The following C1orf198 variants were observed in gnomAD, a reference collection of about 807,000 sequenced individuals.
C1orf198 encodes the protein uncharacterized protein C1orf198.
Under a neutral mutation model 31.4 loss-of-function variants are expected in C1orf198, and 17 were observed. That is an observed-to-expected ratio of 0.54 (90% CI 0.37 to 0.81). The LOEUF (loss-of-function observed/expected upper bound fraction) is 0.81, where lower values mean the gene tolerates loss of function less well. C1orf198 is among the 40% of genes least tolerant of loss of function. The probability of loss-of-function intolerance (pLI) is 0.00; values close to 1 mark genes in which losing one functional copy is unlikely to be tolerated. For missense variants in C1orf198, 401 were observed against 450.3 expected (o/e 0.89, Z 0.99); for synonymous variants, 175 against 193.8 (o/e 0.90, Z 0.81).
At chr1:230,858,710 G>A (rs140960507) in intron 1 of C1orf198, among the ~76,000 whole-genome samples, 5 of 152,376 alleles carry the variant, frequency 3.3e-5, no homozygotes, top group African/African-American at 1.2e-4. Flanking sequence ...GGTGGGGCAT[G>A]ATGGAGCTGG....
rs1240520838 is a variant in C1orf198 at position 230,840,366 on chromosome 1, G to A, written c.928-458C>T. 1.3e-5 allele frequency among the ~76,000 whole-genome samples: 2 copies of A among 152,232 alleles called. No homozygotes were observed. The highest frequency in any genetic ancestry group is 2.9e-5 in the Non-Finnish European group (2 of 68,044). On this transcript the variant is annotated intron_variant, in intron 3 of 3. Coordinates refer to ENST00000366663, the MANE Select transcript of C1orf198 (RefSeq NM_032800.3). The surrounding 1 kb of genome is among the most constrained non-coding windows in gnomAD (Gnocchi z 4.0). ...AAACATAGTGTGGAAAGAATGTGAA[G>A]CTTATTTCTTTCAGATCTTGTGAAA... is the stretch of plus-strand genomic sequence containing the variant.
At chr1:230,854,532 G>C (rs544527743) in intron 2 of C1orf198, among the ~76,000 whole-genome samples, 161 of 152,270 alleles carry the variant, frequency 1.1e-3, no homozygotes, top group African/African-American at 3.8e-3. Context: ...GATCCCTAGG[G>C]AGACTACATT....
chr1:230,840,054 G>T lies in C1orf198; in HGVS notation c.928-146C>A. 1 of 651,526 alleles carries T rather than the reference G, an allele frequency of 1.5e-6. No homozygotes were observed. The highest frequency in any genetic ancestry group is 2.6e-6 in the Non-Finnish European group (1 of 385,256). The allele number at this position is 651,526 out of a possible 1,614,324, so 40.4% of individuals were successfully genotyped here. A position where few individuals can be genotyped will look rare whatever the true frequency, so the allele number is the denominator to read the frequency against. ...TTCCCTGACCTCAATTTATCTCAGT[G>T]CTTGAAATCAGAAGATTAAATACAG... On this transcript the variant is annotated intron_variant, in intron 3 of 3. Transcript: ENST00000366663. The surrounding 1 kb of genome is among the most constrained non-coding windows in gnomAD (Gnocchi z 4.0).
intron 1 of C1orf198, among the ~76,000 whole-genome samples, chr1:230,859,591 C>T (rs959145503): frequency 2.0e-5 from 3 of 152,146 alleles, no homozygotes; most frequent in South Asian, 2.1e-4. Context: ...GAGCAGAAAG[C>T]CAAAAAGCAG....
At position 230,868,362 on chromosome 1, in the gene C1orf198, G is replaced by T; in HGVS notation, c.151C>A (p.Arg51Ser). The change falls in exon 1 of 4, where the codon CGC becomes AGC. Residue 51 changes from arginine (R) to serine (S), a missense_variant. Physicochemically the swap from Arg to Ser is moderately radical, Grantham distance 110. Transcript: ENST00000366663. ...GCCCACTCGGGCCCGTACTTCTCGC[G>T]GATCTTCTCCTTGTCCTGCATGATC... Reference protein sequence around the residue: ...RKIMQDKEKIREKYGPEWARL... With the variant: ...RKIMQDKEKISEKYGPEWARL... 6.3e-7 allele frequency: 1 copy of T among 1,598,242 alleles called. No homozygotes were observed. The highest frequency in any genetic ancestry group is 8.5e-7 in the Non-Finnish European group (1 of 1,173,240).
chr1:230,853,629 A>G (rs1172006363), intron 2 of C1orf198, among the ~76,000 whole-genome samples: 1 of 152,206 alleles, frequency 6.6e-6, no homozygotes, highest in Non-Finnish European at 1.5e-5. Context: ...GAAGGTGAGG[A>G]CACAGAGTGA....
In C1orf198 at chr1:230,843,430, T is replaced by C. The variant is rs1174831872; in HGVS notation, c.851A>G (p.Glu284Gly). The change falls in exon 3 of 4, where the codon GAG becomes GGG. Residue 284 changes from glutamate (E) to glycine (G), a missense_variant. By Grantham distance (98) the Glu-to-Gly change is moderately conservative. Coordinates refer to ENST00000366663, the MANE Select transcript of C1orf198 (RefSeq NM_032800.3). This position sits in a 1 kb window ranked among gnomAD's most constrained non-coding sequence, Gnocchi z 4.9. ...ALHEAAPSQL[E>G]GKLPSPDVRQ... ...GACATCAGGAGATGGCAGCTTCCCC[T>C]CGAGCTGGGAGGGGGCAGCCTCGTG... The C allele has an allele frequency of 6.3e-7, 1 of 1,587,458 alleles. No individual in the cohort carries two copies.
At chr1:230,847,090 G>A (rs542171883) in intron 2 of C1orf198, among the ~76,000 whole-genome samples, 5 of 126,090 alleles carry the variant, frequency 4.0e-5, no homozygotes, top group Admixed American at 8.8e-5. Flanking sequence ...GCGACAGAGC[G>A]AGACTCCGTC....
At position 230,841,583 on chromosome 1, in the gene C1orf198, T is replaced by G. The variant is rs1191159092; in HGVS notation, c.928-1675A>C. 4.6e-5 allele frequency among the ~76,000 whole-genome samples: 7 copies of G among 152,282 alleles called. No individual in the cohort carries two copies. In the South Asian group the frequency reaches 1.5e-3, roughly 32 times the overall value. ...ATGGACAGGCAAGTCTAAACCACGG[T>G]GAGACACCACCTCATACCCCTTCGC... On this transcript the variant is annotated intron_variant, in intron 3 of 3. Coordinates refer to ENST00000366663, the MANE Select transcript of C1orf198 (RefSeq NM_032800.3).
In C1orf198 at chr1:230,868,249, C is replaced by G; in HGVS notation, c.264G>C (p.Ser88=). 4 of 1,566,104 alleles carry G rather than the reference C, an allele frequency of 2.6e-6. No homozygotes were observed. Among genetic ancestry groups the G allele is most frequent in the Non-Finnish European group, 3.5e-6 (4 of 1,158,146 alleles). The change falls in exon 1 of 4, where the codon TCG becomes TCC. Residue 88 remains serine (S), a synonymous_variant. Coordinates refer to ENST00000366663, the MANE Select transcript of C1orf198 (RefSeq NM_032800.3). The part of the protein sequence containing the change: ...RAPAPRDPGD[S]EELTRFPGLR... Reference sequence around the variant, plus strand: ...AGCCGGGGAAGCGCGTGAGCTCCTCCGAGTCCCCGGGGTCTCGGGGCGCCG... The same window carrying G: ...AGCCGGGGAAGCGCGTGAGCTCCTCGGAGTCCCCGGGGTCTCGGGGCGCCG...
rs531231029 is a variant in C1orf198 at position 230,843,372 on chromosome 1, C to T, written c.909G>A (p.Ser303=). 18 of 1,555,774 alleles carry T rather than the reference C, an allele frequency of 1.2e-5. No homozygotes were observed. The highest frequency in any genetic ancestry group is 2.4e-5 in the East Asian group (1 of 41,160). Residue 303 remains serine (S), a synonymous_variant, in exon 3 of 4, where the codon TCG becomes TCA. Coordinates refer to ENST00000366663, the MANE Select transcript of C1orf198 (RefSeq NM_032800.3). The surrounding 1 kb of genome is among the most constrained non-coding windows in gnomAD (Gnocchi z 4.9). ...RQDDGEDTLF[S]EPKFAQVSSS... ...CACTCACCTGTGCAAACTTGGGTTCCGAGAACAGGGTGTCTTCCCCATCGT... is the reference window on the plus strand; with the variant it reads ...CACTCACCTGTGCAAACTTGGGTTCTGAGAACAGGGTGTCTTCCCCATCGT...
chr1:230,848,622 G>T (rs1447310648), intron 2 of C1orf198, among the ~76,000 whole-genome samples: 1 of 152,142 alleles, frequency 6.6e-6, no homozygotes, highest in Non-Finnish European at 1.5e-5. Context: ...TGAACATACA[G>T]TCTCTGATTT....
chr1:230,851,984 C>T (rs1042286598), intron 2 of C1orf198, among the ~76,000 whole-genome samples: 1 of 152,208 alleles, frequency 6.6e-6, no homozygotes, highest in Non-Finnish European at 1.5e-5. Context: ...TAACTCTGCC[C>T]ATGGCCATGA....
In C1orf198 at chr1:230,839,907, A is replaced by C. The variant is rs751086607; in HGVS notation, c.929T>G (p.Val310Gly). ...TLFSEPKFAQ[V>G]SSSNVVLKTG... The stretch of plus-strand genomic sequence containing the variant: ...CTTCAAGACGACATTACTTGAGCTG[A>C]CCTGTAGAAGGGACAAAAACATGGA... Residue 310 changes from valine to glycine, a missense_variant and splice_region_variant, in exon 4 of 4, where the codon GTC (valine) becomes GGC (glycine). Physicochemically the swap from Val to Gly is moderately radical, Grantham distance 109. Transcript: ENST00000366663. 4 of 1,608,766 alleles carry C rather than the reference A, an allele frequency of 2.5e-6. No homozygotes were observed. Among genetic ancestry groups the C allele is most frequent in the Non-Finnish European group, 3.4e-6 (4 of 1,178,672 alleles).
rs989999289 is a variant in C1orf198, at chr1:230,837,609, G to C, written c.*2243C>G. On this transcript the variant is annotated 3_prime_UTR_variant, in exon 4 of 4. Transcript: ENST00000366663. ...AAGAAACCATCTTCGCATAGACTTT[G>C]CCCAAGGTGTAGAGGAAGATCTGCC... The C allele has an allele frequency of 6.6e-6, 1 of 152,196 alleles. No individual in the cohort carries two copies. The highest frequency in any genetic ancestry group is 1.5e-5 in the Non-Finnish European group (1 of 68,036). 9.4% of individuals were successfully genotyped at this position (152,196 alleles called of 1,614,324 possible).
chr1:230,867,365 T>C (rs1670144020), intron 1 of C1orf198, among the ~76,000 whole-genome samples: 1 of 152,182 alleles, frequency 6.6e-6, no homozygotes, highest in Admixed American at 6.5e-5. Context: ...CCTGAGCTTT[T>C]TCTGGAACAG....
upstream of C1orf198, chr1:230,868,827 G>C (rs1207790431): frequency 6.3e-6 from 1 of 159,168 alleles, no homozygotes; most frequent in Admixed American, 6.4e-5. Context: ...TCAGGTGGTA[G>C]CCGGCGTGTC....
intron 2 of C1orf198, among the ~76,000 whole-genome samples, chr1:230,847,293 G>GA (rs61100871): frequency 3.4e-5 from 5 of 147,816 alleles, no homozygotes; most frequent in African/African-American, 1.3e-4. Context: ...AAAAAAAAAA[G>GA]AAAAAAAAGA....
intron 1 of C1orf198, among the ~76,000 whole-genome samples, chr1:230,861,570 T>TGGAGTATCTGGTCATGGC (rs1572139243): frequency 6.6e-6 from 1 of 152,240 alleles, no homozygotes. Context: ...CGGGCCATGG[T>TGGAGTATCTGGTCATGGC]GGAGTATCTG....
Sources: gnomAD v4.1 joint callset for allele counts (sites outside exome capture counted in the v4.1 genomes callset) on GRCh38, gnomAD v4.1.1 for gene constraint, Gnocchi (gnomAD v3.1) non-coding constraint, MANE v1.5 for transcripts, NCBI Gene and HGNC (gene_info 2026-07-23, HGNC 2026-07-21) for gene names.